The following CLASP1 variants were observed in gnomAD, a reference collection of about 807,000 sequenced individuals.
The protein encoded by CLASP1 is cytoplasmic linker associated protein 1.
Under a neutral mutation model 192.3 loss-of-function variants are expected in CLASP1, and 38 were observed. The observed-to-expected ratio is 0.20, with a 90% CI of 0.15 to 0.26. The LOEUF is 0.26. CLASP1 is among the 10% of genes least tolerant of loss of function. The pLI is 1.00. For synonymous variants in CLASP1, 691 were observed against 712.8 expected (o/e 0.97, Z 0.49); for missense variants, 1,433 against 1,932.5 (o/e 0.74, Z 4.85).
intron 19 of CLASP1, among the ~76,000 whole-genome samples, chr2:121,438,223 C>A (rs2082634915): frequency 6.6e-6 from 1 of 152,176 alleles, no homozygotes. Context: ...GCTATAAACA[C>A]AAACTACTTT....
chr2:121,558,608 C>T (rs543152916), intron 2 of CLASP1, among the ~76,000 whole-genome samples: 13 of 152,266 alleles, frequency 8.5e-5, no homozygotes, highest in Middle Eastern at 3.4e-3. Flanking sequence ...CGCACCACCT[C>T]GGGACTCTGC....
chr2:121,382,599 T>C (rs1253467987), intron 32 of CLASP1, among the ~76,000 whole-genome samples: 1 of 152,202 alleles, frequency 6.6e-6, no homozygotes, highest in Non-Finnish European at 1.5e-5. Flanking sequence ...AGAGTGTCTA[T>C]GCGTGAGACT....
At chr2:121,611,488 G>A (rs2065474143) in intron 1 of CLASP1, among the ~76,000 whole-genome samples, 1 of 140,228 alleles carries the variant, frequency 7.1e-6, no homozygotes, top group South Asian at 2.4e-4. Flanking sequence ...GGCGTTGGAG[G>A]AGTTACAGGA....
intron 2 of CLASP1, among the ~76,000 whole-genome samples, chr2:121,547,562 C>G (rs183104845): frequency 1.8e-4 from 28 of 152,236 alleles, no homozygotes; most frequent in African/African-American, 6.3e-4. Flanking sequence ...GTCCCTTCCT[C>G]TGCTGCCCCC....
chr2:121,617,074 T>A (rs2066594083), intron 1 of CLASP1, among the ~76,000 whole-genome samples: 1 of 152,208 alleles, frequency 6.6e-6, no homozygotes, highest in South Asian at 2.1e-4. Flanking sequence ...GATGGGGCAC[T>A]GCACCTACCA....
intron 2 of CLASP1, among the ~76,000 whole-genome samples, chr2:121,582,090 GA>G (rs1249002374): frequency 6.7e-6 from 1 of 150,000 alleles, no homozygotes; most frequent in African/African-American, 2.5e-5. Context: ...CTGAACCCAG[GA>G]GATGGAGGTG....
rs1011065324 is a variant in CLASP1 at position 121,536,402 on chromosome 2, A to G, written c.196-6077T>C. 8.6e-5 allele frequency among the ~76,000 whole-genome samples: 13 copies of G among 150,292 alleles called. No individual in the cohort carries two copies. In the South Asian group the frequency reaches 2.5e-3, roughly 29 times the overall value. On this transcript the variant is annotated intron_variant, in intron 2 of 39. Transcript: ENST00000263710. ...TGAAAAAAAAAAAAAAAAAAAAAAA[A>G]GATTAAAAATAATATTACCATATGA...
intron 37 of CLASP1, among the ~76,000 whole-genome samples, chr2:121,352,369 C>G (rs184942528): frequency 6.6e-6 from 1 of 152,338 alleles, no homozygotes; most frequent in East Asian, 1.9e-4. Context: ...CAGGAAGGAG[C>G]CTATTTGAAG....
Position 121,513,432 on chromosome 2 carries a change from A to T in CLASP1, c.644+2233T>A, listed in dbSNP as rs879690499. 1.7e-3 allele frequency among the ~76,000 whole-genome samples: 249 copies of T among 147,214 alleles called. 1 individual carries two copies. Among genetic ancestry groups the T allele is most frequent in the Admixed American group, 3.9e-3 (57 of 14,716 alleles). On this transcript the variant is annotated intron_variant, in intron 7 of 39. Transcript: ENST00000263710. Reference sequence around the variant, plus strand: ...TCTTTTGTAGCGCCTTTTTTATTTTATTTTTTTTTTTTAAAGAGAAGAAGG... The same window carrying T: ...TCTTTTGTAGCGCCTTTTTTATTTTTTTTTTTTTTTTTAAAGAGAAGAAGG...
At chr2:121,511,348 G>C (rs2094129400) in intron 7 of CLASP1, among the ~76,000 whole-genome samples, 1 of 152,108 alleles carries the variant, frequency 6.6e-6, no homozygotes, top group Non-Finnish European at 1.5e-5. Context: ...CAGCACTTTG[G>C]GAGGCCGAGG....
rs184787070 is a variant in CLASP1, at chr2:121,474,387, T to C, written c.713-4427A>G. Among the ~76,000 whole-genome samples, 677 of 152,244 alleles carry C rather than the reference T, an allele frequency of 4.4e-3. 2 individuals carry two copies. The highest frequency in any genetic ancestry group is 0.016 in the African/African-American group (655 of 41,540). On this transcript the variant is annotated intron_variant, in intron 8 of 39. Coordinates refer to ENST00000263710, the Ensembl canonical transcript of CLASP1. ...GTCACACAATAGTGTATCACAAACC[T>C]TACTGAGAAGACATGCCCTTCATCA...
intron 1 of CLASP1, among the ~76,000 whole-genome samples, chr2:121,647,551 T>A (rs1400063934): frequency 6.6e-6 from 1 of 152,174 alleles, no homozygotes; most frequent in African/African-American, 2.4e-5. Context: ...CTTAAAGAGA[T>A]TCTATCCCAC....
chr2:121,526,704 G>C (rs1445858306), intron 5 of CLASP1, among the ~76,000 whole-genome samples: 1 of 151,988 alleles, frequency 6.6e-6, no homozygotes, highest in African/African-American at 2.4e-5. Flanking sequence ...TAACTTTACA[G>C]GTTAGGATAA....
chr2:121,464,490 C>A (rs902991480), intron 9 of CLASP1, among the ~76,000 whole-genome samples: 4 of 152,194 alleles, frequency 2.6e-5, no homozygotes, highest in African/African-American at 7.2e-5. Context: ...TATTTCTCCA[C>A]ATCCTCTCCA....
intron 24 of CLASP1, chr2:121,408,975 T>C: frequency 1.3e-6 from 2 of 1,497,992 alleles, no homozygotes; most frequent in Non-Finnish European, 1.8e-6. Context: ...AGAAATATAC[T>C]TGCAACAGGA....
chr2:121,543,714 C>T (rs1422918538), intron 2 of CLASP1, among the ~76,000 whole-genome samples: 1 of 152,114 alleles, frequency 6.6e-6, no homozygotes, highest in Non-Finnish European at 1.5e-5. Context: ...TTTCTCTAAA[C>T]CCCAATCTGA....
At position 121,387,371 on chromosome 2, in the gene CLASP1, G is replaced by A. The variant is rs557839846; in HGVS notation, c.3268-143C>T. ...TTTTTTTTTCCCTTAGAATCATAAG[G>A]CCAATTTTAAGTGTATATAAACCAA... On this transcript the variant is annotated intron_variant, in intron 31 of 39. Coordinates refer to ENST00000263710, the Ensembl canonical transcript of CLASP1. The A allele has an allele frequency of 1.2e-5, 7 of 601,072 alleles. No homozygotes were observed. In the East Asian group the frequency reaches 1.8e-4, roughly 16 times the overall value. The allele number at this position is 601,072 out of a possible 1,614,324, so 37.2% of individuals were successfully genotyped here.
chr2:121,547,181 C>T (rs1254486606), intron 2 of CLASP1, among the ~76,000 whole-genome samples: 1 of 152,182 alleles, frequency 6.6e-6, no homozygotes, highest in African/African-American at 2.4e-5. Flanking sequence ...CCTGGGCCTC[C>T]AGCCACCCCC....
At chr2:121,514,191 G>A (rs2094221395) in intron 7 of CLASP1, among the ~76,000 whole-genome samples, 1 of 152,186 alleles carries the variant, frequency 6.6e-6, no homozygotes, top group Admixed American at 6.5e-5. Context: ...AAACACAGAG[G>A]AAGCCTCCTG....
Sources: gnomAD v4.1 joint callset for allele counts (sites outside exome capture counted in the v4.1 genomes callset) on GRCh38, gnomAD v4.1.1 for gene constraint, MANE v1.5 for transcripts, NCBI Gene and HGNC (gene_info 2026-07-23, HGNC 2026-07-21) for gene names.